KIFC2: variants seen among roughly 807,000 people sequenced by gnomAD.
KIFC2 encodes kinesin family member C2.
Under a neutral mutation model 91.5 loss-of-function variants are expected in KIFC2, and 94 were observed. The observed-to-expected ratio is 1.03, with a 90% CI of 0.87 to 1.22. KIFC2 has a LOEUF of 1.22. Among genes scored for constraint, KIFC2 ranks in the 50% most tolerant of loss-of-function variants. The pLI, the probability that KIFC2 is intolerant of heterozygous loss-of-function variation, is 0.00. For missense variants in KIFC2, 1,357 were observed against 1,103.3 expected (o/e 1.23, Z -3.26); for synonymous variants, 729 against 503.9 (o/e 1.45, Z -5.98).
rs1162630018 is a variant in KIFC2, at chr8:144,472,452, T to C, written c.1699T>C (p.Trp567Arg). Residue 567 changes from tryptophan to arginine, a missense_variant, in exon 15 of 18, where the codon TGG becomes CGG. Trp to Arg is a moderately radical substitution (Grantham distance 101). Coordinates refer to ENST00000645548, the MANE Select transcript of KIFC2 (RefSeq NM_001369769.2). ...GATCCAGGTGGCTGGCCTCACCCACTGGGACGTGCCCAACCTGGAGACATT... is the reference window on the plus strand; with the variant it reads ...GATCCAGGTGGCTGGCCTCACCCACCGGGACGTGCCCAACCTGGAGACATT... ...GGIQVAGLTH[W>R]DVPNLETLHQ... 1 of 1,612,364 alleles carries C rather than the reference T, an allele frequency of 6.2e-7. No individual in the cohort carries two copies. The highest frequency in any genetic ancestry group is 8.5e-7 in the Non-Finnish European group (1 of 1,179,686).
rs747644204 is a variant in KIFC2 at position 144,468,669 on chromosome 8, G to T, written c.1003+19G>T. ...CTGGCAGGTAAGGGTTGGGGTTGGG[G>T]CTCATGGGAGGCCCTGGAGGCTGGG... On this transcript the variant is annotated intron_variant, in intron 9 of 17. Transcript: ENST00000645548. The T allele has an allele frequency of 7.4e-6, 12 of 1,612,618 alleles. No homozygotes were observed. Among genetic ancestry groups the T allele is most frequent in the African/African-American group, 6.7e-5 (5 of 74,908 alleles).
rs971671803 is a variant in KIFC2, at chr8:144,473,899, C to A, written c.*510C>A. 2 of 423,002 alleles carry A rather than the reference C, an allele frequency of 4.7e-6. No homozygotes were observed. Among genetic ancestry groups the A allele is most frequent in the Admixed American group, 8.1e-5 (2 of 24,714 alleles). 26.2% of individuals were successfully genotyped at this position (423,002 alleles called of 1,614,324 possible). A position where few individuals can be genotyped will look rare whatever the true frequency, so the allele number is the denominator to read the frequency against. On this transcript the variant is annotated 3_prime_UTR_variant, in exon 18 of 18. Coordinates refer to ENST00000645548, the MANE Select transcript of KIFC2 (RefSeq NM_001369769.2). ...ATCCACCACTGGGCTCTCCCTCCCCCAGCCTGGAGCACGGGAGGGGAGGTG... is the reference window on the plus strand; with the variant it reads ...ATCCACCACTGGGCTCTCCCTCCCCAAGCCTGGAGCACGGGAGGGGAGGTG...
At chr8:144,470,364 C>T (rs539769743) in intron 12 of KIFC2, among the ~76,000 whole-genome samples, 108 of 152,396 alleles carry the variant, frequency 7.1e-4, no homozygotes, top group African/African-American at 2.2e-3. Context: ...CCTTGTGCAC[C>T]GTCCTCTGGA....
rs778962798 is a variant in KIFC2 at position 144,472,196 on chromosome 8, T to C, written c.1544T>C (p.Met515Thr). Reference sequence around the variant, plus strand: ...GCGCTGCAGTCGCTGTTCCGGGAGATGGGGGCCGGCCGGCAGCACCGGGTG... The same window carrying C: ...GCGCTGCAGTCGCTGTTCCGGGAGACGGGGGCCGGCCGGCAGCACCGGGTG... ...PRALQSLFREMGAGRQHRVTL... is the reference protein window; with the variant it reads ...PRALQSLFRETGAGRQHRVTL... Residue 515 changes from methionine to threonine, a missense_variant, in exon 14 of 18, where the codon ATG becomes ACG. Coordinates refer to ENST00000645548, the MANE Select transcript of KIFC2 (RefSeq NM_001369769.2). 1.2e-6 allele frequency: 2 copies of C among 1,613,164 alleles called. No homozygotes were observed. Among genetic ancestry groups the C allele is most frequent in the East Asian group, 2.2e-5 (1 of 44,834 alleles).
chr8:144,466,785 G>A lies in KIFC2; in HGVS notation c.125G>A (p.Arg42Gln), dbSNP rs1564745917. ...AGAGCCCGCAAGCCCCGGGGTCGCCGGCGCCCAGACCTGCCCGCGCCAGAG... is the reference window on the plus strand; with the variant it reads ...AGAGCCCGCAAGCCCCGGGGTCGCCAGCGCCCAGACCTGCCCGCGCCAGAG... ...AQRARKPRGR[R>Q]RPDLPAPELW... is the part of the protein sequence containing the mutation. Residue 42 changes from arginine (R) to glutamine (Q), a missense_variant, in exon 2 of 18, where the codon CGG becomes CAG. Arg to Gln is a conservative substitution (Grantham distance 43, BLOSUM62 1). Coordinates refer to ENST00000645548, the MANE Select transcript of KIFC2 (RefSeq NM_001369769.2). 2 of 1,533,486 alleles carry A rather than the reference G, an allele frequency of 1.3e-6. No individual in the cohort carries two copies. Among genetic ancestry groups the A allele is most frequent in the Non-Finnish European group, 1.7e-6 (2 of 1,147,122 alleles). 95.0% of individuals were successfully genotyped at this position (1,533,486 alleles called of 1,614,324 possible).
chr8:144,468,580 C>T lies in KIFC2; in HGVS notation c.933C>T (p.Leu311=). ...EVQLQGLQGA[L]QQLQQETEQN... ...AGCTGCAGGGCCTTCAAGGGGCCCTCCAGCAGCTCCAGCAGGAGACGGAGC... is the reference window on the plus strand; with the variant it reads ...AGCTGCAGGGCCTTCAAGGGGCCCTTCAGCAGCTCCAGCAGGAGACGGAGC... Residue 311 remains leucine (L), a synonymous_variant, in exon 9 of 18, where the codon CTC becomes CTT. Transcript: ENST00000645548. The T allele has an allele frequency of 6.2e-7, 1 of 1,608,962 alleles. No homozygotes were observed. Among genetic ancestry groups the T allele is most frequent in the African/African-American group, 1.3e-5 (1 of 74,924 alleles).
At chr8:144,472,551 G>T in intron 15 of KIFC2, 26 bp from the exon 16 acceptor site, 2 of 1,612,014 alleles carry the variant, frequency 1.2e-6, no homozygotes, top group South Asian at 2.2e-5. Flanking sequence ...CCCTGCACCT[G>T]ACCAGCCCTT....
chr8:144,473,143 G>C lies in KIFC2; in HGVS notation c.2130G>C (p.Arg710=), dbSNP rs1586725824. The C allele has an allele frequency of 6.4e-7, 1 of 1,563,484 alleles. No individual in the cohort carries two copies. Among genetic ancestry groups the C allele is most frequent in the Non-Finnish European group, 8.7e-7 (1 of 1,154,860 alleles). ...TAVLLLQIST[R]PEDLGETVCS... ...CCTCTTGCCCGCAGATCTCCACGCGGCCGGAGGATCTCGGGGAGACAGTCT... is the reference window on the plus strand; with the variant it reads ...CCTCTTGCCCGCAGATCTCCACGCGCCCGGAGGATCTCGGGGAGACAGTCT... The change falls in exon 18 of 18, where the codon CGG becomes CGC. Residue 710 remains arginine, a synonymous_variant. Coordinates refer to ENST00000645548, the MANE Select transcript of KIFC2 (RefSeq NM_001369769.2).
In KIFC2 at chr8:144,468,385, C is replaced by T. The variant is rs149014984; in HGVS notation, c.867C>T (p.Thr289=). The change falls in exon 8 of 18, where the codon ACC becomes ACT. Residue 289 remains threonine, a synonymous_variant. Transcript: ENST00000645548. ...GCCGGCTTCAGGAGGCCCAAGACAC[C>T]ACAGAAGCCCTCCGAGCCCAGGTGG... ...LQGRLQEAQD[T]TEALRAQLGV... 253 of 1,612,844 alleles carry T rather than the reference C, an allele frequency of 1.6e-4. No individual in the cohort carries two copies. The highest frequency in any genetic ancestry group is 1.6e-4 in the African/African-American group (12 of 74,910).
rs1825012937 is a variant in KIFC2 at position 144,473,253 on chromosome 8, C to T, written c.2240C>T (p.Pro747Leu). ...AGGGTCCCGCGCTCCTCCGGGACGC[C>T]TTCTTCCCTCAGCACCGACACTCCG... ...RRRVPRSSGT[P>L]SSLSTDTPLT... is the part of the protein sequence containing the mutation. Residue 747 changes from proline to leucine, a missense_variant, in exon 18 of 18, where the codon CCT becomes CTT. Physicochemically the swap from Pro to Leu is moderately conservative, Grantham distance 98. Coordinates refer to ENST00000645548, the MANE Select transcript of KIFC2 (RefSeq NM_001369769.2). 3.7e-6 allele frequency: 6 copies of T among 1,604,954 alleles called. No individual in the cohort carries two copies. Among genetic ancestry groups the T allele is most frequent in the East Asian group, 2.3e-5 (1 of 44,436 alleles).
chr8:144,473,466 C>T lies in KIFC2; in HGVS notation c.*77C>T, dbSNP rs1321170926. 4 of 1,469,702 alleles carry T rather than the reference C, an allele frequency of 2.7e-6. No individual in the cohort carries two copies. Among genetic ancestry groups the T allele is most frequent in the Non-Finnish European group, 3.6e-6 (4 of 1,113,068 alleles). The allele number at this position is 1,469,702 out of a possible 1,614,324, so 91.0% of individuals were successfully genotyped here. A position where few individuals can be genotyped will look rare whatever the true frequency, so the allele number is the denominator to read the frequency against. ...GAGGCGGTAGTAAAGTCCCTGTACCCCGTCTCCCAGGGCACAAGCTCCCTA... is the reference window on the plus strand; with the variant it reads ...GAGGCGGTAGTAAAGTCCCTGTACCTCGTCTCCCAGGGCACAAGCTCCCTA... On this transcript the variant is annotated 3_prime_UTR_variant, in exon 18 of 18. Transcript: ENST00000645548.
At position 144,472,121 on chromosome 8, in the gene KIFC2, C is replaced by A. The variant is rs1824950613; in HGVS notation, c.1486-17C>A. ...GACTTGGATGTGAGCCCGGTGTGCA[C>A]CCCACCCCATCCTCAGGGCCCTCCT... On this transcript the variant is annotated splice_polypyrimidine_tract_variant and intron_variant, in intron 13 of 17. Transcript: ENST00000645548. 2 of 1,612,948 alleles carry A rather than the reference C, an allele frequency of 1.2e-6. No homozygotes were observed. Among genetic ancestry groups the A allele is most frequent in the African/African-American group, 2.7e-5 (2 of 74,920 alleles).
rs1485883815 is a variant in KIFC2, at chr8:144,473,604, A to T, written c.*215A>T. ...CACCCCCCGCCCCCAGCCCTGCATC[A>T]GGCCACAGGTCTTGGCTTTCTCCTT... On this transcript the variant is annotated 3_prime_UTR_variant, in exon 18 of 18. Coordinates refer to ENST00000645548, the MANE Select transcript of KIFC2 (RefSeq NM_001369769.2). The T allele has an allele frequency of 8.2e-6, 5 of 611,662 alleles. No individual in the cohort carries two copies. The East Asian group carries it at 1.7e-4, about 21-fold the overall frequency. The allele number at this position is 611,662 out of a possible 1,614,324, so 37.9% of individuals were successfully genotyped here.
In KIFC2 at chr8:144,466,716, G is replaced by T. The variant is rs1200854901; in HGVS notation, c.100-44G>T. Reference sequence around the variant, plus strand: ...GTTCGCGGAGGGAAGGGGCCAGCAGGCTGCCTGCCCCCCTCCTCAGGGGCG... The same window carrying T: ...GTTCGCGGAGGGAAGGGGCCAGCAGTCTGCCTGCCCCCCTCCTCAGGGGCG... On this transcript the variant is annotated intron_variant, in intron 1 of 17. Coordinates refer to ENST00000645548, the MANE Select transcript of KIFC2 (RefSeq NM_001369769.2). The T allele has an allele frequency of 7.6e-6, 11 of 1,441,158 alleles. No homozygotes were observed. In the South Asian group the frequency reaches 1.3e-4, roughly 17 times the overall value. 89.3% of individuals were successfully genotyped at this position (1,441,158 alleles called of 1,614,324 possible).
rs1191829132 is a variant in KIFC2 at position 144,467,910 on chromosome 8, G to A, written c.733G>A (p.Ala245Thr). 3 of 1,612,720 alleles carry A rather than the reference G, an allele frequency of 1.9e-6. No individual in the cohort carries two copies. The highest frequency in any genetic ancestry group is 2.7e-5 in the African/African-American group (2 of 74,992). Residue 245 changes from alanine (A) to threonine (T), a missense_variant, in exon 7 of 18, where the codon GCC becomes ACC. Coordinates refer to ENST00000645548, the MANE Select transcript of KIFC2 (RefSeq NM_001369769.2). ...TCAGCATCTGACTCTGGAGAACGAG[G>A]CCCTGAAGCAGAGCCTGAGTCTCAT... ...RVQHLTLENEALKQSLSLMRD... is the reference protein window; with the variant it reads ...RVQHLTLENETLKQSLSLMRD...
chr8:144,466,943 C>T lies in KIFC2; in HGVS notation c.179-16C>T, dbSNP rs1824675598. On this transcript the variant is annotated splice_polypyrimidine_tract_variant and intron_variant, in intron 2 of 17. Coordinates refer to ENST00000645548, the MANE Select transcript of KIFC2 (RefSeq NM_001369769.2). ...CGTGACCCGAAATGTCTCCCGCCCT[C>T]CTCCCTGACCGGCAGCCAGCTCCGA... The T allele has an allele frequency of 6.3e-7, 1 of 1,586,778 alleles. No homozygotes were observed. Among genetic ancestry groups the T allele is most frequent in the Non-Finnish European group, 8.5e-7 (1 of 1,173,986 alleles).
Position 144,474,054 on chromosome 8 carries a change from G to A in KIFC2, c.*665G>A, listed in dbSNP as rs901712027. 2 of 599,922 alleles carry A rather than the reference G, an allele frequency of 3.3e-6. No homozygotes were observed. Among genetic ancestry groups the A allele is most frequent in the Admixed American group, 3.0e-5 (1 of 33,694 alleles). 37.2% of individuals were successfully genotyped at this position (599,922 alleles called of 1,614,324 possible). A position where few individuals can be genotyped will look rare whatever the true frequency, so the allele number is the denominator to read the frequency against. ...AAACAGGCATGACAGACCAGGGTGA[G>A]GGTTGTGCCCAGCTGGGCCACGGCC... is the stretch of plus-strand genomic sequence containing the variant. On this transcript the variant is annotated 3_prime_UTR_variant, in exon 18 of 18. Coordinates refer to ENST00000645548, the MANE Select transcript of KIFC2 (RefSeq NM_001369769.2).
rs191733892 is a variant in KIFC2 at position 144,467,435 on chromosome 8, G to T, written c.470-50G>T. 1.0e-5 allele frequency: 16 copies of T among 1,540,292 alleles called. No homozygotes were observed. The Admixed American group carries it at 2.9e-4, about 28-fold the overall frequency. ...TGGAGTTCGGGGTCATGTTCCGGAA[G>T]ATTTGGACTAGAGACCTCTTCAGTG... On this transcript the variant is annotated intron_variant, in intron 4 of 17. Transcript: ENST00000645548.
intron 12 of KIFC2, 91 bp from the exon 13 acceptor site, chr8:144,471,851 A>G (rs1824937886): frequency 2.7e-6 from 3 of 1,126,992 alleles, no homozygotes; most frequent in Admixed American, 3.5e-5. Context: ...CTCTGCTCAC[A>G]CCTGCCTTCG....
Sources: gnomAD v4.1 joint callset for allele counts (sites outside exome capture counted in the v4.1 genomes callset) on GRCh38, gnomAD v4.1.1 for gene constraint, MANE v1.5 for transcripts, NCBI Gene and HGNC (gene_info 2026-07-23, HGNC 2026-07-21) for gene names.